The following KYNU variants were observed in gnomAD, a reference collection of about 807,000 sequenced individuals.
KYNU encodes the protein L-kynurenine hydrolase.
A neutral mutation model predicts 59.2 loss-of-function variants in KYNU; 54 were observed. The ratio of observed to expected loss-of-function variants is 0.91; its 90% CI spans 0.73 to 1.14. The LOEUF (loss-of-function observed/expected upper bound fraction) is 1.14, where lower values mean the gene tolerates loss of function less well. KYNU is among the 50% of genes most tolerant of loss of function. The pLI, the probability that KYNU is intolerant of heterozygous loss-of-function variation, is 0.00. For missense variants in KYNU, 567 were observed against 554.4 expected (o/e 1.02, Z -0.23); for synonymous variants, 177 against 192.0 (o/e 0.92, Z 0.65).
chr2:142,985,894 A>G (rs1428192860), intron 9 of KYNU, 54 bp from the exon 10 acceptor site: 1 of 1,167,244 alleles, frequency 8.6e-7, no homozygotes, highest in African/African-American at 1.5e-5. Flanking sequence ...TACATTGTTT[A>G]GTTTTGTCAT....
At chr2:143,032,289 C>CA (rs1038644031) in intron 11 of KYNU, among the ~76,000 whole-genome samples, 55 of 75,032 alleles carry the variant, frequency 7.3e-4, no homozygotes, top group Non-Finnish European at 1.0e-3. Flanking sequence ...AAAACAAAAA[C>CA]AAAAAAAAAA....
chr2:142,885,736 C>G (rs984209905), intron 2 of KYNU, among the ~76,000 whole-genome samples, 200 bp downstream of exon 2: 2 of 152,168 alleles, frequency 1.3e-5, no homozygotes, highest in Admixed American at 6.5e-5. Flanking sequence ...TTCTCCCCTC[C>G]TCTGAATGAA....
At chr2:143,004,984 T>C (rs1480603158) in intron 10 of KYNU, among the ~76,000 whole-genome samples, 1 of 152,210 alleles carries the variant, frequency 6.6e-6, no homozygotes, top group Admixed American at 6.5e-5. Context: ...TAACATAAAT[T>C]GTGTTTTCTC....
chr2:142,929,026 C>A (rs352893), intron 4 of KYNU, among the ~76,000 whole-genome samples: 61,811 of 118,410 alleles, frequency 0.52, 16,531 homozygotes, highest in African/African-American at 0.67. Context: ...AAAAAAAAAA[C>A]AAAAAACGAA....
chr2:142,994,042 C>T (rs1209463694), intron 10 of KYNU, among the ~76,000 whole-genome samples: 1 of 152,016 alleles, frequency 6.6e-6, no homozygotes, highest in African/African-American at 2.4e-5. Flanking sequence ...TTAATTACTT[C>T]AAGTTTTAGC....
intron 4 of KYNU, chr2:142,947,039 C>T (rs1296013850): frequency 1.9e-6 from 3 of 1,547,000 alleles, no homozygotes; most frequent in African/African-American, 1.4e-5. Context: ...GGCTGATTCT[C>T]ACCTCACCCT....
Position 143,040,570 on chromosome 2 carries a change from A to G in KYNU, c.1184A>G (p.His395Arg). Residue 395 changes from histidine (H) to arginine (R), a missense_variant, in exon 13 of 14, where the codon CAT becomes CGT. Physicochemically the swap from His to Arg is conservative, Grantham distance 29. Coordinates refer to ENST00000264170, the MANE Select transcript of KYNU (RefSeq NM_003937.3). Reference sequence around the variant, plus strand: ...GTTGTGAACATAATTACTCCGTCTCATGTAGAGGAGCGGGGGTGCCAGCTA... The same window carrying G: ...GTTGTGAACATAATTACTCCGTCTCGTGTAGAGGAGCGGGGGTGCCAGCTA... Reference protein sequence around the residue: ...KPVVNIITPSHVEERGCQLTI... With the variant: ...KPVVNIITPSRVEERGCQLTI... 2 of 1,613,044 alleles carry G rather than the reference A, an allele frequency of 1.2e-6. No individual in the cohort carries two copies. The highest frequency in any genetic ancestry group is 2.2e-5 in the South Asian group (2 of 91,024).
At chr2:142,982,450 G>A (rs1391920209) in intron 8 of KYNU, among the ~76,000 whole-genome samples, 2 of 152,050 alleles carry the variant, frequency 1.3e-5, no homozygotes, top group African/African-American at 4.8e-5. Flanking sequence ...GTACAATTTG[G>A]ATAATATGTA....
At chr2:142,976,009 C>T (rs1013826095) in intron 8 of KYNU, among the ~76,000 whole-genome samples, 12 of 151,972 alleles carry the variant, frequency 7.9e-5, no homozygotes, top group Non-Finnish European at 1.5e-4. Flanking sequence ...AGCTGGGGCT[C>T]GTCATGGGTG....
At chr2:142,956,696 A>T (rs1259669660) in intron 6 of KYNU, among the ~76,000 whole-genome samples, 1 of 152,188 alleles carries the variant, frequency 6.6e-6, no homozygotes, top group African/African-American at 2.4e-5. Flanking sequence ...GCTAGCATAA[A>T]TGTTGGCCCA....
At chr2:143,013,678 A>C (rs1686175863) in intron 10 of KYNU, among the ~76,000 whole-genome samples, 1 of 152,160 alleles carries the variant, frequency 6.6e-6, no homozygotes, top group African/African-American at 2.4e-5. Context: ...CTTCTAGGTA[A>C]GCTTAGTGAC....
chr2:142,980,415 T>C (rs1219541467), intron 8 of KYNU, among the ~76,000 whole-genome samples: 1 of 152,034 alleles, frequency 6.6e-6, no homozygotes, highest in Non-Finnish European at 1.5e-5. Context: ...TTAGAATGCC[T>C]AACTTACTAG....
rs183895651 is a variant in KYNU at position 142,960,853 on chromosome 2, A to G, written c.729+83A>G. On this transcript the variant is annotated intron_variant, in intron 8 of 13. Transcript: ENST00000264170. ...GTTCTAATTGCATGACTTGTGAAGT[A>G]CTTTAGCTTGTGTCTGAGTAAAACT... 4.0e-5 allele frequency: 55 copies of G among 1,358,434 alleles called. No homozygotes were observed. The African/African-American group carries it at 7.4e-4, about 18-fold the overall frequency. The allele number at this position is 1,358,434 out of a possible 1,614,324, so 84.1% of individuals were successfully genotyped here.
In KYNU at chr2:142,984,953, G is replaced by A. The variant is rs573687763; in HGVS notation, c.730-131G>A. 36 of 703,286 alleles carry A rather than the reference G, an allele frequency of 5.1e-5. No homozygotes were observed. In the South Asian group the frequency reaches 5.3e-4, roughly 10 times the overall value. 43.6% of individuals were successfully genotyped at this position (703,286 alleles called of 1,614,324 possible). The stretch of plus-strand genomic sequence containing the variant: ...CTGGGAATTATGGATCATACTTTGT[G>A]AACCATTGCATCAAAGAGCAAACCA... On this transcript the variant is annotated intron_variant, in intron 8 of 13. Transcript: ENST00000264170.
At chr2:143,017,434 C>CTTTTTTCT (rs1558977527) in intron 10 of KYNU, among the ~76,000 whole-genome samples, 3 of 68,446 alleles carry the variant, frequency 4.4e-5, no homozygotes, top group Admixed American at 2.2e-4. Context: ...TCTCTTTTTT[C>CTTTTTTCT]TTTTTTTTTT....
At chr2:143,003,974 C>T (rs1450817483) in intron 10 of KYNU, among the ~76,000 whole-genome samples, 1 of 152,210 alleles carries the variant, frequency 6.6e-6, no homozygotes, top group Non-Finnish European at 1.5e-5. Flanking sequence ...CGAAGACATT[C>T]TCCTATTACT....
rs538845578 is a variant in KYNU, at chr2:142,909,217, A to T, written c.170-9392A>T. ...GTAATCCATATTTGTAGAAGATATA[A>T]GCCTTTACACAAAGACTTTAACATA... On this transcript the variant is annotated intron_variant, in intron 2 of 13. Transcript: ENST00000264170. Among the ~76,000 whole-genome samples, 4 of 152,184 alleles carry T rather than the reference A, an allele frequency of 2.6e-5. No individual in the cohort carries two copies. The South Asian group carries it at 8.3e-4, about 32-fold the overall frequency.
At chr2:142,997,963 A>C (rs992830272) in intron 10 of KYNU, among the ~76,000 whole-genome samples, 1 of 152,146 alleles carries the variant, frequency 6.6e-6, no homozygotes, top group East Asian at 1.9e-4. Flanking sequence ...TCATGCTTCA[A>C]AGATGTCTTT....
At chr2:142,986,337 A>AT (rs1334946283) in intron 10 of KYNU, among the ~76,000 whole-genome samples, 4 of 151,922 alleles carry the variant, frequency 2.6e-5, no homozygotes, top group Non-Finnish European at 5.9e-5. Flanking sequence ...AGACTTTAGA[A>AT]AATTTCAGAT....
Sources: allele counts gnomAD v4.1 joint callset (sites outside exome capture counted in the v4.1 genomes callset), GRCh38; gene constraint gnomAD v4.1.1; transcripts MANE v1.5; gene names NCBI Gene and HGNC (gene_info 2026-07-23, HGNC 2026-07-21).